Variants in ZMYM6 observed in about 807,000 individuals in gnomAD.
ZMYM6 encodes the protein zinc finger MYM-type containing 6, also known as zinc finger MYM-type protein 6.
A neutral mutation model predicts 134.0 loss-of-function variants in ZMYM6; 90 were observed. The ratio of observed to expected loss-of-function variants is 0.67; its 90% CI spans 0.57 to 0.80. The LOEUF (loss-of-function observed/expected upper bound fraction) is 0.80. Among genes scored for constraint, ZMYM6 ranks in the 30% least tolerant of loss-of-function variants. The probability of loss-of-function intolerance (pLI) is 0.00; values close to 1 mark genes in which losing one functional copy is unlikely to be tolerated. For synonymous variants in ZMYM6, 481 were observed against 524.1 expected, an observed-to-expected ratio of 0.92 and a Z score of 1.12; for missense variants, 1,362 against 1,533.9, an observed-to-expected ratio of 0.89 and a Z score of 1.87.
chr1:35,020,632 G>T (rs949964431), intron 2 of ZMYM6, among the ~76,000 whole-genome samples, 165 bp from the exon 3 acceptor site: 4 of 148,836 alleles, frequency 2.7e-5, no homozygotes, highest in African/African-American at 1.0e-4. Context: ...AAGTGCAGTG[G>T]CGCGATCTCA....
At position 35,013,545 on chromosome 1, in the gene ZMYM6, A is replaced by G. The variant is rs1238978106; in HGVS notation, c.796-964T>C. The G allele has an allele frequency of 3.0e-6, 3 of 985,326 alleles. No homozygotes were observed. In the African/African-American group the frequency reaches 5.2e-5, roughly 17 times the overall value. 61.0% of individuals were successfully genotyped at this position (985,326 alleles called of 1,614,324 possible). A position where few individuals can be genotyped will look rare whatever the true frequency, so the allele number is the denominator to read the frequency against. ...GTGAAAGTAGAACCAGACTGCCAAA[A>G]ATGGCAAATCTTAAAAAAAGAGATT... On this transcript the variant is annotated intron_variant, in intron 6 of 15. Coordinates refer to ENST00000357182, the MANE Select transcript of ZMYM6 (RefSeq NM_007167.4).
At chr1:34,993,387 A>G (rs1262130359) in intron 14 of ZMYM6, among the ~76,000 whole-genome samples, 1 of 152,172 alleles carries the variant, frequency 6.6e-6, no homozygotes, top group Non-Finnish European at 1.5e-5. Flanking sequence ...CTGGGATTAC[A>G]GGCGTGAGCC....
rs960421149 is a variant in ZMYM6 at position 35,017,823 on chromosome 1, G to A, written c.428+1530C>T. Reference sequence around the variant, plus strand: ...CCTAACCTTATGCTAAAAAGTCACTGACGGGGGTGACTACTTTTAAGAAAA... The same window carrying A: ...CCTAACCTTATGCTAAAAAGTCACTAACGGGGGTGACTACTTTTAAGAAAA... On this transcript the variant is annotated intron_variant, in intron 4 of 15. Coordinates refer to ENST00000357182, the MANE Select transcript of ZMYM6 (RefSeq NM_007167.4). 3.3e-5 allele frequency: 5 copies of A among 152,256 alleles called. No homozygotes were observed. In the East Asian group the frequency reaches 9.6e-4, roughly 29 times the overall value. 9.4% of individuals were successfully genotyped at this position (152,256 alleles called of 1,614,324 possible).
chr1:35,008,100 AAAAC>A (rs1641017582), intron 11 of ZMYM6, among the ~76,000 whole-genome samples: 1 of 152,184 alleles, frequency 6.6e-6, no homozygotes, highest in African/African-American at 2.4e-5. Context: ...TAGAGGTAGA[AAAAC>A]AAACAGTGAT....
rs184364615 is a variant in ZMYM6 at position 34,997,606 on chromosome 1, A to G, written c.1993-5219T>C. On this transcript the variant is annotated intron_variant, in intron 14 of 15. Coordinates refer to ENST00000357182, the MANE Select transcript of ZMYM6 (RefSeq NM_007167.4). ...AGGCATGAGCCACCGCACCTGGCCCATAGAAGCTCTTTACATATTAAAAAA... is the reference window on the plus strand; with the variant it reads ...AGGCATGAGCCACCGCACCTGGCCCGTAGAAGCTCTTTACATATTAAAAAA... 4.7e-3 allele frequency among the ~76,000 whole-genome samples: 712 copies of G among 152,310 alleles called. 2 individuals are homozygous for G. Among genetic ancestry groups the G allele is most frequent in the Non-Finnish European group, 8.2e-3 (558 of 68,024 alleles).
At chr1:35,015,483 TG>T (rs908821224) in intron 4 of ZMYM6, among the ~76,000 whole-genome samples, 2 of 151,894 alleles carry the variant, frequency 1.3e-5, no homozygotes, top group African/African-American at 4.8e-5. Flanking sequence ...CCCATCACTT[TG>T]GGAGGCCGAG....
chr1:34,992,214 G>C lies in ZMYM6; in HGVS notation c.2146+20C>G, dbSNP rs762012952. 2 of 1,613,668 alleles carry C rather than the reference G, an allele frequency of 1.2e-6. No homozygotes were observed. Among genetic ancestry groups the C allele is most frequent in the East Asian group, 4.5e-5 (2 of 44,834 alleles). ...GCCAGAAAACAAGCTTTGTACATGG[G>C]AACGCACAAGGATACATACCTGTCT... On this transcript the variant is annotated intron_variant, in intron 15 of 15. Coordinates refer to ENST00000357182, the MANE Select transcript of ZMYM6 (RefSeq NM_007167.4).
intron 14 of ZMYM6, among the ~76,000 whole-genome samples, chr1:34,997,626 A>G (rs1197853171): frequency 2.4e-4 from 37 of 152,116 alleles, no homozygotes; most frequent in African/African-American, 2.4e-5. Flanking sequence ...TTTACATATT[A>G]AAAAACACTA....
intron 15 of ZMYM6, among the ~76,000 whole-genome samples, chr1:34,991,092 G>A (rs1313141265): frequency 6.6e-6 from 1 of 152,140 alleles, no homozygotes; most frequent in Admixed American, 6.5e-5. Flanking sequence ...TCAAACTCCT[G>A]ACCTCAGGTG....
Position 34,987,164 on chromosome 1 carries a change from T to C in ZMYM6, c.3918A>G (p.Leu1306=), listed in dbSNP as rs1266399247. The C allele has an allele frequency of 1.3e-6, 2 of 1,598,584 alleles. No homozygotes were observed. Among genetic ancestry groups the C allele is most frequent in the South Asian group, 1.1e-5 (1 of 87,308 alleles). Residue 1306 remains leucine (L), a synonymous_variant, in exon 16 of 16, where the codon CTA becomes CTG. Coordinates refer to ENST00000357182, the MANE Select transcript of ZMYM6 (RefSeq NM_007167.4). ...GAATTAAAGATGTGACTGCAAGTCT[T>C]AGGGCAGGGCCAGAACCCAACAGAT... ...QKNLLGSGPA[L]RLAVTSLIPR... is the part of the protein sequence containing the mutation.
chr1:35,020,826 C>T (rs1641296360), intron 2 of ZMYM6, among the ~76,000 whole-genome samples: 1 of 152,050 alleles, frequency 6.6e-6, no homozygotes, highest in South Asian at 2.1e-4. Flanking sequence ...CCACCTCAGC[C>T]TCCCAAAGTG....
intron 14 of ZMYM6, among the ~76,000 whole-genome samples, chr1:34,994,953 T>C (rs181730877): frequency 6.8e-5 from 10 of 147,966 alleles, no homozygotes; most frequent in Non-Finnish European, 1.5e-4. Context: ...TATACATATA[T>C]CCATAATATA....
chr1:35,020,646 C>G (rs1053860310), intron 2 of ZMYM6, among the ~76,000 whole-genome samples, 179 bp from the exon 3 acceptor site: 1 of 146,030 alleles, frequency 6.8e-6, no homozygotes, highest in East Asian at 2.0e-4. Context: ...GATCTCAGCT[C>G]GTTGCAACCT....
At chr1:35,012,370 A>G in intron 7 of ZMYM6, 61 bp downstream of exon 7, 1 of 1,329,782 alleles carries the variant, frequency 7.5e-7, no homozygotes, top group South Asian at 1.8e-5. Flanking sequence ...ATCAGAGAAA[A>G]GCAGTTACGT....
chr1:35,015,305 T>G, intron 4 of ZMYM6, 143 bp from the exon 5 acceptor site: 1 of 706,060 alleles, frequency 1.4e-6, no homozygotes, highest in South Asian at 2.2e-5. Flanking sequence ...CTGGGTTTGA[T>G]GAGTTCTGCT....
chr1:34,991,745 G>C (rs1474831840), intron 15 of ZMYM6, among the ~76,000 whole-genome samples: 2 of 151,988 alleles, frequency 1.3e-5, no homozygotes, highest in Non-Finnish European at 2.9e-5. Flanking sequence ...ACTCCAGCCT[G>C]GGCAACAAGA....
intron 6 of ZMYM6, among the ~76,000 whole-genome samples, chr1:35,013,940 T>C (rs11263928): frequency 0.22 from 32,775 of 152,184 alleles, 8,404 homozygotes; most frequent in African/African-American, 0.61. Flanking sequence ...TCCACCCGCC[T>C]TGACCTCCCA....
chr1:35,014,617 C>T lies in ZMYM6; in HGVS notation c.795+80G>A. 2.9e-6 allele frequency: 4 copies of T among 1,374,580 alleles called. No individual in the cohort carries two copies. In the Admixed American group the frequency reaches 8.5e-5, roughly 29 times the overall value. The allele number at this position is 1,374,580 out of a possible 1,614,324, so 85.1% of individuals were successfully genotyped here. On this transcript the variant is annotated intron_variant, in intron 6 of 15. Coordinates refer to ENST00000357182, the MANE Select transcript of ZMYM6 (RefSeq NM_007167.4). ...AGGATGGACTAATGGGAGGAGCTCA[C>T]TCTCATTTTGTAGTTCATCCCTGTG...
chr1:35,013,082 G>T, intron 6 of ZMYM6: 1 of 894,102 alleles, frequency 1.1e-6, no homozygotes, highest in Non-Finnish European at 1.3e-6. Context: ...CTGCTTATAA[G>T]TTTATTCATG....
Sources: allele counts gnomAD v4.1 joint callset (sites outside exome capture counted in the v4.1 genomes callset), GRCh38; gene constraint gnomAD v4.1.1; transcripts MANE v1.5; gene names NCBI Gene and HGNC (gene_info 2026-07-23, HGNC 2026-07-21).